Variants in GASK1A observed in about 807,000 individuals in gnomAD.
GASK1A encodes Golgi-associated kinase 1A.
In GASK1A, 40 loss-of-function variants were observed where a neutral mutation model predicts 41.2. The ratio of observed to expected loss-of-function variants is 0.97; its 90% CI spans 0.75 to 1.27. GASK1A has a LOEUF of 1.27. Ranked by LOEUF, GASK1A falls within the 50% of genes most tolerant of loss-of-function variation. The pLI is 0.00. For synonymous variants in GASK1A, 316 were observed against 307.1 expected (o/e 1.03, Z -0.30); for missense variants, 678 against 745.1 (o/e 0.91, Z 1.05).
At chr3:43,053,452 G>T in intron 2 of GASK1A, 69 bp from the exon 3 acceptor site, 2 of 1,462,450 alleles carry the variant, frequency 1.4e-6, no homozygotes, top group African/African-American at 1.4e-5. Flanking sequence ...AGGTCAGGTG[G>T]CCTCCATGCT....
Position 42,979,628 on chromosome 3 carries a change from G to C in GASK1A, c.-15G>C. 6 of 1,243,968 alleles carry C rather than the reference G, an allele frequency of 4.8e-6. No homozygotes were observed. Among genetic ancestry groups the C allele is most frequent in the Non-Finnish European group, 6.1e-6 (6 of 987,670 alleles). 77.1% of individuals were successfully genotyped at this position (1,243,968 alleles called of 1,614,324 possible). A position where few individuals can be genotyped will look rare whatever the true frequency, so the allele number is the denominator to read the frequency against. ...CTGAGCGCGCCGAGGAGCCGGCCGGGGCACCGCCGGGGACATGGTAGGACT... is the reference window on the plus strand; with the variant it reads ...CTGAGCGCGCCGAGGAGCCGGCCGGCGCACCGCCGGGGACATGGTAGGACT... On this transcript the variant is annotated 5_prime_UTR_variant, in exon 1 of 5. Transcript: ENST00000430121.
At chr3:43,053,406 C>A in intron 2 of GASK1A, 115 bp from the exon 3 acceptor site, 1 of 1,205,944 alleles carries the variant, frequency 8.3e-7, no homozygotes. Flanking sequence ...GTGAGGGTCA[C>A]CCCTGCTGTG....
intron 1 of GASK1A, among the ~76,000 whole-genome samples, chr3:42,991,983 C>T (rs2089343589): frequency 6.6e-6 from 1 of 152,118 alleles, no homozygotes; most frequent in South Asian, 2.1e-4. Context: ...TTACCACATT[C>T]TGGCCCCCCA....
intron 2 of GASK1A, among the ~76,000 whole-genome samples, chr3:43,040,829 C>G (rs1211965803): frequency 6.8e-6 from 1 of 148,104 alleles, no homozygotes; most frequent in South Asian, 2.2e-4. Context: ...TGCGCTGCAC[C>G]CACTAACTTG....
chr3:43,014,787 T>C (rs1392880326), intron 1 of GASK1A, among the ~76,000 whole-genome samples: 1 of 151,502 alleles, frequency 6.6e-6, no homozygotes, highest in African/African-American at 2.4e-5. Flanking sequence ...GAATGGGCAA[T>C]GTGAAGTCAC....
At chr3:42,997,298 A>G (rs373802152) in intron 1 of GASK1A, among the ~76,000 whole-genome samples, 24 of 152,188 alleles carry the variant, frequency 1.6e-4, no homozygotes, top group East Asian at 9.6e-4. Context: ...AAGGCCCTCA[A>G]TAAGTCTTGC....
At chr3:43,050,311 C>G (rs931502751) in intron 2 of GASK1A, among the ~76,000 whole-genome samples, 1 of 152,046 alleles carries the variant, frequency 6.6e-6, no homozygotes, top group Non-Finnish European at 1.5e-5. Context: ...TTGACAGGCT[C>G]TCTTTTTTTT....
chr3:43,054,214 C>T (rs1290459335), intron 3 of GASK1A: 3 of 194,672 alleles, frequency 1.5e-5, no homozygotes, highest in African/African-American at 2.3e-5. Flanking sequence ...TCTATCTTCT[C>T]CTGCAGTGAG....
chr3:43,001,764 G>C (rs971017272), intron 1 of GASK1A, among the ~76,000 whole-genome samples: 2 of 152,310 alleles, frequency 1.3e-5, no homozygotes, highest in African/African-American at 4.8e-5. Context: ...GGCACTGGGG[G>C]CCTCTGGAGG....
At chr3:43,032,213 T>G in intron 1 of GASK1A, 54 bp from the exon 2 acceptor site, 1 of 1,378,948 alleles carries the variant, frequency 7.3e-7, no homozygotes, top group Non-Finnish European at 9.8e-7. Context: ...GTTTTGTGGG[T>G]TGAGCTGATG....
At chr3:43,030,730 G>A (rs2089570937) in intron 1 of GASK1A, among the ~76,000 whole-genome samples, 2 of 152,212 alleles carry the variant, frequency 1.3e-5, no homozygotes, top group Non-Finnish European at 2.9e-5. Context: ...GGGGTTGGGG[G>A]TGAGAATCTG....
At chr3:43,021,155 G>A (rs2125683030) in intron 1 of GASK1A, among the ~76,000 whole-genome samples, 1 of 152,252 alleles carries the variant, frequency 6.6e-6, no homozygotes, top group East Asian at 1.9e-4. Context: ...GGCTCCTTCA[G>A]GCAGAACTCT....
At position 42,979,595 on chromosome 3, in the gene GASK1A, C is replaced by T. The variant is rs1346215650; in HGVS notation, c.-48C>T. The T allele has an allele frequency of 4.8e-6, 6 of 1,240,272 alleles. No homozygotes were observed. The African/African-American group carries it at 6.2e-5, about 13-fold the overall frequency. 76.8% of individuals were successfully genotyped at this position (1,240,272 alleles called of 1,614,324 possible). A position where few individuals can be genotyped will look rare whatever the true frequency, so the allele number is the denominator to read the frequency against. ...GCCAAGGGGAGGCGGGATGAGTCTG[C>T]GAGCCGGCTGAGCGCGCCGAGGAGC... is the stretch of plus-strand genomic sequence containing the variant. On this transcript the variant is annotated 5_prime_UTR_variant, in exon 1 of 5. It introduces an in-frame stop codon into an upstream open reading frame of the 5' UTR. Coordinates refer to ENST00000430121, the MANE Select transcript of GASK1A (RefSeq NM_001129908.3).
At chr3:42,995,014 A>G (rs772675043) in intron 1 of GASK1A, among the ~76,000 whole-genome samples, 14 of 152,194 alleles carry the variant, frequency 9.2e-5, no homozygotes, top group Non-Finnish European at 1.9e-4. Context: ...GAAACCTTTA[A>G]ATTTTAATTA....
At chr3:43,005,797 G>C (rs933479922) in intron 1 of GASK1A, among the ~76,000 whole-genome samples, 5 of 152,204 alleles carry the variant, frequency 3.3e-5, no homozygotes, top group African/African-American at 1.2e-4. Flanking sequence ...TTTTGCTGCT[G>C]CACCTCAAAC....
chr3:43,056,290 G>C lies in GASK1A; in HGVS notation c.1632G>C (p.Leu544=). 1 of 1,551,728 alleles carries C rather than the reference G, an allele frequency of 6.4e-7. No individual in the cohort carries two copies. Among genetic ancestry groups the C allele is most frequent in the African/African-American group, 1.4e-5 (1 of 73,182 alleles). ...AAAGCCAAGGCGGAGCCCAGGGGCT[G>C]AAGCAGGTCCTCCAGACCCTGGAGC... ...FWESQGGAQG[L]KQVLQTLEQR... is the part of the protein sequence containing the mutation. The change falls in exon 5 of 5, where the codon CTG becomes CTC. Residue 544 remains leucine (L), a synonymous_variant. Coordinates refer to ENST00000430121, the MANE Select transcript of GASK1A (RefSeq NM_001129908.3).
Position 42,979,653 on chromosome 3 carries a change from T to G in GASK1A, c.3+8T>G. 8.0e-7 allele frequency: 1 copy of G among 1,245,550 alleles called. No individual in the cohort carries two copies. Among genetic ancestry groups the G allele is most frequent in the Non-Finnish European group, 1.0e-6 (1 of 987,656 alleles). The allele number at this position is 1,245,550 out of a possible 1,614,324, so 77.2% of individuals were successfully genotyped here. A position where few individuals can be genotyped will look rare whatever the true frequency, so the allele number is the denominator to read the frequency against. On this transcript the variant is annotated splice_region_variant and intron_variant, in intron 1 of 4. Transcript: ENST00000430121. ...GGCACCGCCGGGGACATGGTAGGACTCGCGGGAAGGAACGCGCGAGCGGAG... is the reference window on the plus strand; with the variant it reads ...GGCACCGCCGGGGACATGGTAGGACGCGCGGGAAGGAACGCGCGAGCGGAG...
intron 2 of GASK1A, chr3:43,037,200 G>C: frequency 8.8e-7 from 1 of 1,139,374 alleles, no homozygotes; most frequent in Non-Finnish European, 1.3e-6. Flanking sequence ...GTCAAAATCT[G>C]GGGGATCGAA....
intron 1 of GASK1A, among the ~76,000 whole-genome samples, chr3:42,998,549 AG>A (rs2089389029): frequency 5.9e-5 from 9 of 152,216 alleles, no homozygotes; most frequent in Admixed American, 5.2e-4. Flanking sequence ...TATCAACCCT[AG>A]GAGGCGGGTG....
Sources: gnomAD v4.1 joint callset for allele counts (sites outside exome capture counted in the v4.1 genomes callset) on GRCh38, gnomAD v4.1.1 for gene constraint, MANE v1.5 for transcripts, NCBI Gene and HGNC (gene_info 2026-07-23, HGNC 2026-07-21) for gene names.